Variants in PDZRN4 observed in about 807,000 individuals in gnomAD.
The protein encoded by PDZRN4 is PDZ domain-containing RING finger protein 4.
PDZRN4 carries 70 observed loss-of-function variants against 99.0 expected under a neutral mutation model. The ratio of observed to expected loss-of-function variants is 0.71; its 90% confidence interval spans 0.58 to 0.86. The LOEUF is 0.86. PDZRN4 is among the 40% of genes least tolerant of loss of function. The pLI, the probability that PDZRN4 is intolerant of heterozygous loss-of-function variation, is 0.00. For synonymous variants in PDZRN4, 551 were observed against 501.6 expected (o/e 1.10, Z -1.32); for missense variants, 1,474 against 1,331.2 (o/e 1.11, Z -1.67).
At chr12:41,521,539 A>G (rs1938493101) in intron 5 of PDZRN4, among the ~76,000 whole-genome samples, 1 of 152,118 alleles carries the variant, frequency 6.6e-6, no homozygotes. Flanking sequence ...TATTTGGACC[A>G]AAGAGAGTTA....
chr12:41,211,808 A>G (rs772525048), intron 3 of PDZRN4, among the ~76,000 whole-genome samples: 8 of 152,002 alleles, frequency 5.3e-5, no homozygotes, highest in Non-Finnish European at 8.8e-5. Flanking sequence ...ACATAGTTTC[A>G]GGATTATAGT....
In PDZRN4 at chr12:41,462,783, A is replaced by ATT. The variant is rs36036436; in HGVS notation, c.844-43665_844-43664dup. Among the ~76,000 whole-genome samples the ATT allele has an allele frequency of 2.7e-3, 404 of 151,550 alleles. 4 individuals are homozygous for ATT. Among genetic ancestry groups the ATT allele is most frequent in the African/African-American group, 2.7e-3 (111 of 41,302 alleles). On this transcript the variant is annotated intron_variant, in intron 3 of 9. Coordinates refer to ENST00000402685, the MANE Select transcript of PDZRN4 (RefSeq NM_001164595.2). ...ACAATTATGTATCAGTAATTCTGTG[A>ATT]TTTTTTTTTCAGAAAATGGTCTTAT... is the stretch of plus-strand genomic sequence containing the variant.
At chr12:41,293,322 T>C (rs1176700205) in intron 3 of PDZRN4, among the ~76,000 whole-genome samples, 3 of 150,496 alleles carry the variant, frequency 2.0e-5, no homozygotes, top group African/African-American at 7.3e-5. Flanking sequence ...TGGACACACA[T>C]GTAGCATCGT....
At chr12:41,558,139 A>G (rs955042366) in intron 7 of PDZRN4, among the ~76,000 whole-genome samples, 7 of 152,212 alleles carry the variant, frequency 4.6e-5, no homozygotes, top group Non-Finnish European at 1.0e-4. Context: ...TTTTAAACGT[A>G]TTGTTCACTT....
intron 3 of PDZRN4, among the ~76,000 whole-genome samples, chr12:41,292,554 T>A (rs530020346): frequency 6.6e-6 from 1 of 152,320 alleles, no homozygotes; most frequent in Admixed American, 6.5e-5. Context: ...TTGTGCTTCC[T>A]TTTGCCACTC....
chr12:41,284,536 G>T (rs1027747958), intron 3 of PDZRN4, among the ~76,000 whole-genome samples: 9 of 152,090 alleles, frequency 5.9e-5, no homozygotes, highest in African/African-American at 1.9e-4. Flanking sequence ...CAAAAAAAGA[G>T]CCCATATATG....
intron 3 of PDZRN4, among the ~76,000 whole-genome samples, chr12:41,334,205 G>A (rs1951758052): frequency 6.6e-6 from 1 of 152,010 alleles, no homozygotes; most frequent in African/African-American, 2.4e-5. Context: ...ACACCAGTCT[G>A]AGTCCCTCAG....
At chr12:41,568,015 T>A in intron 9 of PDZRN4, 116 bp downstream of exon 9, 1 of 625,972 alleles carries the variant, frequency 1.6e-6, no homozygotes, top group Non-Finnish European at 2.8e-6. Flanking sequence ...ATCTCTATCA[T>A]GGTAATTTTT....
intron 3 of PDZRN4, among the ~76,000 whole-genome samples, chr12:41,281,676 T>G (rs1009632950): frequency 1.3e-5 from 2 of 152,004 alleles, no homozygotes; most frequent in African/African-American, 4.8e-5. Context: ...GAAAAAAGAA[T>G]GAAAAGGAAT....
chr12:41,396,104 T>C lies in PDZRN4; in HGVS notation c.844-110352T>C, dbSNP rs559963150. ...GCAAAAAGAACCCAGAAAGCGACTT[T>C]GATGATTTGCTTGGAAATGACCTTA... On this transcript the variant is annotated intron_variant, in intron 3 of 9. Transcript: ENST00000402685. Among the ~76,000 whole-genome samples, 7 of 152,270 alleles carry C rather than the reference T, an allele frequency of 4.6e-5. No homozygotes were observed. The East Asian group carries it at 1.4e-3, about 29-fold the overall frequency.
intron 3 of PDZRN4, among the ~76,000 whole-genome samples, chr12:41,278,529 A>T (rs1951364267): frequency 6.6e-6 from 1 of 152,164 alleles, no homozygotes; most frequent in African/African-American, 2.4e-5. Context: ...TTTTCCTTCC[A>T]CTGTCCCTAA....
At chr12:41,408,330 G>A (rs1472888766) in intron 3 of PDZRN4, among the ~76,000 whole-genome samples, 1 of 152,198 alleles carries the variant, frequency 6.6e-6, no homozygotes, top group East Asian at 1.9e-4. Flanking sequence ...CGATAAAGAT[G>A]TTTGTAAATT....
rs1466502460 is a variant in PDZRN4, at chr12:41,365,897, G to T, written c.844-140559G>T. 3.3e-5 allele frequency among the ~76,000 whole-genome samples: 5 copies of T among 152,114 alleles called. No homozygotes were observed. The East Asian group carries it at 9.7e-4, about 29-fold the overall frequency. On this transcript the variant is annotated intron_variant, in intron 3 of 9. Transcript: ENST00000402685. The stretch of plus-strand genomic sequence containing the variant: ...CTGACAGACTGGTTGCCTGGCCTTT[G>T]CTCTCTGCCAGTTCAAGCCTTACAA...
intron 7 of PDZRN4, among the ~76,000 whole-genome samples, chr12:41,556,991 C>A (rs897751911): frequency 6.6e-6 from 1 of 151,542 alleles, no homozygotes; most frequent in Admixed American, 6.6e-5. Context: ...CTCTACTAAA[C>A]AATACAAAAA....
intron 3 of PDZRN4, among the ~76,000 whole-genome samples, chr12:41,439,018 C>T (rs1297193333): frequency 6.6e-6 from 1 of 152,126 alleles, no homozygotes; most frequent in Admixed American, 6.6e-5. Context: ...TTCCCCCTGA[C>T]GTGATTCATT....
chr12:41,507,641 C>A (rs1279463191), intron 4 of PDZRN4, among the ~76,000 whole-genome samples: 1 of 152,020 alleles, frequency 6.6e-6, no homozygotes, highest in East Asian at 1.9e-4. Context: ...ACTCCTTAGG[C>A]CAATTAAATG....
intron 3 of PDZRN4, among the ~76,000 whole-genome samples, chr12:41,427,036 GGAA>G (rs1391131835): frequency 2.6e-5 from 4 of 152,176 alleles, no homozygotes; most frequent in Non-Finnish European, 5.9e-5. Flanking sequence ...ATGGTGAATA[GGAA>G]GTTCTCAGCA....
At chr12:41,406,100 A>G (rs961402153) in intron 3 of PDZRN4, among the ~76,000 whole-genome samples, 5 of 152,136 alleles carry the variant, frequency 3.3e-5, no homozygotes, top group Non-Finnish European at 7.3e-5. Flanking sequence ...AAAAAAAACC[A>G]AAATATTTCA....
rs71081733 is a variant in PDZRN4, at chr12:41,378,520, A to ATTTTTTTTTTTTTTTTT, written c.844-127933_844-127917dup. Among the ~76,000 whole-genome samples, 247 of 102,778 alleles carry ATTTTTTTTTTTTTTTTT rather than the reference A, an allele frequency of 2.4e-3. 16 individuals are homozygous for ATTTTTTTTTTTTTTTTT. Among genetic ancestry groups the ATTTTTTTTTTTTTTTTT allele is most frequent in the African/African-American group, 8.6e-3 (230 of 26,706 alleles). The allele number at this position is 102,778 out of a possible 152,430, so 67.4% of individuals were successfully genotyped here. A position where few individuals can be genotyped will look rare whatever the true frequency, so the allele number is the denominator to read the frequency against. On this transcript the variant is annotated intron_variant, in intron 3 of 9. Coordinates refer to ENST00000402685, the MANE Select transcript of PDZRN4 (RefSeq NM_001164595.2). ...TTTGGAAGTGCTCCTTCTGTCTTCA[A>ATTTTTTTTTTTTTTTTT]TTTTTTTTTTTTTTTTTTTGAGACA...
Sources: gnomAD v4.1 joint callset for allele counts (sites outside exome capture counted in the v4.1 genomes callset) on GRCh38, gnomAD v4.1.1 for gene constraint, MANE v1.5 for transcripts, NCBI Gene and HGNC (gene_info 2026-07-23, HGNC 2026-07-21) for gene names.